The following CELF2 variants were observed in gnomAD, a reference collection of about 807,000 sequenced individuals.
CELF2 encodes CUGBP Elav-like family member 2, also known as CUG triplet repeat RNA-binding protein 2.
CELF2 carries 8 observed loss-of-function variants against 62.6 expected under a neutral mutation model. The observed-to-expected ratio is 0.13, with a 90% CI of 0.07 to 0.23. The LOEUF (loss-of-function observed/expected upper bound fraction) is 0.23, where lower values mean the gene tolerates loss of function less well. Ranked by LOEUF, CELF2 falls within the 10% of genes least tolerant of loss-of-function variation. The pLI, the probability that CELF2 is intolerant of heterozygous loss-of-function variation, is 1.00. For missense variants in CELF2, 333 were observed against 671.0 expected (o/e 0.50, Z 5.56); for synonymous variants, 258 against 250.0 (o/e 1.03, Z -0.30).
chr10:10,857,892 C>G (rs2059838434), intron 1 of CELF2, among the ~76,000 whole-genome samples: 1 of 151,314 alleles, frequency 6.6e-6, no homozygotes, highest in Non-Finnish European at 1.5e-5. Flanking sequence ...ATATAAAACA[C>G]AACCATAGGG....
At chr10:10,737,980 A>T in the CELF2 span, among the ~76,000 whole-genome samples, 65 of 152,326 alleles carry the variant, frequency 4.3e-4, 1 homozygote, top group Admixed American at 4.2e-3. Flanking sequence ...ATCATCTGAC[A>T]TCAAGCTCAA....
the CELF2 span, among the ~76,000 whole-genome samples, chr10:10,671,325 A>C: frequency 1.4e-4 from 21 of 151,936 alleles, no homozygotes; most frequent in Non-Finnish European, 1.2e-4. Context: ...CTCACAGTTT[A>C]TTTATCCATT....
chr10:10,740,682 T>C, the CELF2 span, among the ~76,000 whole-genome samples: 1 of 152,230 alleles, frequency 6.6e-6, no homozygotes, highest in Non-Finnish European at 1.5e-5. Flanking sequence ...TAGAGGCCCA[T>C]TGTTGAATAA....
chr10:10,578,773 C>T, the CELF2 span, among the ~76,000 whole-genome samples: 10 of 152,158 alleles, frequency 6.6e-5, no homozygotes, highest in Admixed American at 2.0e-4. Context: ...TTCAGTCCTT[C>T]CATGGGTCCA....
In CELF2 at chr10:11,190,488, A is replaced by G. The variant is rs138975246; in HGVS notation, c.271+24806A>G. On this transcript the variant is annotated intron_variant, in intron 2 of 12. Transcript: ENST00000633077. ...TTCTCTTTGAAAAAAAATGAACACT[A>G]AAGGCAGAGATTTTCATTTGGCTGT... 5.2e-3 allele frequency among the ~76,000 whole-genome samples: 797 copies of G among 152,246 alleles called. 8 individuals carry two copies. Among genetic ancestry groups the G allele is most frequent in the African/African-American group, 0.014 (602 of 41,530 alleles).
the CELF2 span, among the ~76,000 whole-genome samples, chr10:10,560,174 C>T: frequency 1.6e-4 from 25 of 152,206 alleles, no homozygotes; most frequent in African/African-American, 5.5e-4. Flanking sequence ...GTAGTCAACT[C>T]GAAAAGAGAA....
chr10:10,831,089 T>A (rs921211991), intron 1 of CELF2, among the ~76,000 whole-genome samples: 1 of 152,212 alleles, frequency 6.6e-6, no homozygotes, highest in African/African-American at 2.4e-5. Context: ...AATGGTGGAA[T>A]CCTAGAACTT....
the CELF2 span, among the ~76,000 whole-genome samples, chr10:10,686,576 A>G: frequency 2.6e-5 from 4 of 152,066 alleles, no homozygotes; most frequent in Admixed American, 2.0e-4. Flanking sequence ...TTTCCCCTAT[A>G]CTGTCCTTGT....
At chr10:11,234,904 A>G (rs1204409467) in intron 3 of CELF2, among the ~76,000 whole-genome samples, 5 of 152,140 alleles carry the variant, frequency 3.3e-5, no homozygotes, top group Admixed American at 3.3e-4. Context: ...GAGGGTTGAC[A>G]ATCCCTACGT....
chr10:11,168,787 G>C (rs2133505070), intron 2 of CELF2: 1 of 152,246 alleles, frequency 6.6e-6, no homozygotes, highest in Non-Finnish European at 1.5e-5. Context: ...ACAAAGACTT[G>C]GTCATACTTG....
chr10:10,938,656 G>T lies in CELF2; in HGVS notation c.89+18657G>T, dbSNP rs1038477379. On this transcript the variant is annotated intron_variant, in intron 2 of 13. Transcript: ENST00000636488. This position sits in a 1 kb window ranked among gnomAD's most constrained non-coding sequence, Gnocchi z 4.2. ...CTTTGTCTCCCAAGTGAGTTTGTAG[G>T]TTCACTGAATTTCCCCAAAGAAGAT... 1.1e-4 allele frequency among the ~76,000 whole-genome samples: 16 copies of T among 152,228 alleles called. No homozygotes were observed. Among genetic ancestry groups the T allele is most frequent in the Admixed American group, 9.2e-4 (14 of 15,278 alleles).
chr10:11,023,159 A>G (rs757802060), intron 1 of CELF2, among the ~76,000 whole-genome samples: 1 of 152,152 alleles, frequency 6.6e-6, no homozygotes, highest in Non-Finnish European at 1.5e-5. Context: ...TTGTCAGTGT[A>G]ATGTTTGTTT....
At chr10:10,603,245 A>C in the CELF2 span, among the ~76,000 whole-genome samples, 1 of 152,088 alleles carries the variant, frequency 6.6e-6, no homozygotes, top group Non-Finnish European at 1.5e-5. Flanking sequence ...AGGGAGACTT[A>C]AATCTGTTTT....
chr10:11,094,646 T>A (rs1047671665), intron 1 of CELF2, among the ~76,000 whole-genome samples: 6 of 152,216 alleles, frequency 3.9e-5, no homozygotes. Context: ...ATCGGCTGAT[T>A]TATTTTTAAA....
intron 1 of CELF2, among the ~76,000 whole-genome samples, chr10:10,826,151 C>T (rs1284155027): frequency 1.3e-5 from 2 of 151,942 alleles, no homozygotes; most frequent in African/African-American, 2.4e-5. Flanking sequence ...CAATATTTAA[C>T]TAATAGTGAT....
the CELF2 span, among the ~76,000 whole-genome samples, chr10:10,745,096 A>G: frequency 6.8e-6 from 1 of 146,166 alleles, no homozygotes; most frequent in Non-Finnish European, 1.5e-5. Flanking sequence ...CGTCAAATCC[A>G]TCAAAACCAT....
the CELF2 span, among the ~76,000 whole-genome samples, chr10:10,625,316 A>T: frequency 6.6e-6 from 1 of 152,232 alleles, no homozygotes; most frequent in Non-Finnish European, 1.5e-5. Flanking sequence ...CGGCAACAGC[A>T]ACAGTCACTG....
At position 11,025,239 on chromosome 10, in the gene CELF2, G is replaced by GTGTGTGTGTGTATATA. The variant is rs61580670; in HGVS notation, c.74+7077_74+7078insGTGTGTGTGTATATAT. Among the ~76,000 whole-genome samples the GTGTGTGTGTGTATATA allele has an allele frequency of 7.4e-4, 105 of 141,084 alleles. 1 individual carries two copies. Among genetic ancestry groups the GTGTGTGTGTGTATATA allele is most frequent in the Non-Finnish European group, 1.4e-3 (91 of 65,426 alleles). 92.6% of individuals were successfully genotyped at this position (141,084 alleles called of 152,430 possible). A position where few individuals can be genotyped will look rare whatever the true frequency, so the allele number is the denominator to read the frequency against. The stretch of plus-strand genomic sequence containing the variant: ...TGTGTGTGTGTGTGTGTGTGTGTGT[G>GTGTGTGTGTGTATATA]TATATGTATGTGACTGTATATCTGG... On this transcript the variant is annotated intron_variant, in intron 1 of 12. Coordinates refer to ENST00000633077, the MANE Select transcript of CELF2 (RefSeq NM_001326342.2).
chr10:10,993,733 G>A lies in CELF2; in HGVS notation c.89+73734G>A, dbSNP rs1564327685. 6.6e-6 allele frequency among the ~76,000 whole-genome samples: 1 copy of A among 152,154 alleles called. No homozygotes were observed. Among genetic ancestry groups the A allele is most frequent in the Non-Finnish European group, 1.5e-5 (1 of 68,020 alleles). ...GGATTGGATGTTTTCAGAAAGCATT[G>A]GATATCGATATGGACTCAGCTGTGT... On this transcript the variant is annotated intron_variant, in intron 2 of 13. Coordinates refer to the CELF2 transcript ENST00000636488. The surrounding 1 kb of genome is among the most constrained non-coding windows in gnomAD (Gnocchi z 5.3).
Sources: gnomAD v4.1 joint callset for allele counts (sites outside exome capture counted in the v4.1 genomes callset) on GRCh38, gnomAD v4.1.1 for gene constraint, Gnocchi (gnomAD v3.1) non-coding constraint, MANE v1.5 for transcripts, NCBI Gene and HGNC (gene_info 2026-07-23, HGNC 2026-07-21) for gene names.